TENM2: variants seen among roughly 807,000 people sequenced by gnomAD.
TENM2 encodes teneurin-2.
A neutral mutation model predicts 245.2 loss-of-function variants in TENM2; 52 were observed. That is an observed-to-expected ratio of 0.21 (90% CI 0.17 to 0.27). TENM2 has a LOEUF of 0.27. Among genes scored for constraint, TENM2 ranks in the 10% least tolerant of loss-of-function variants. TENM2 has a pLI of 1.00. For missense variants in TENM2, 3,046 were observed against 3,666.8 expected (o/e 0.83, Z 4.37); for synonymous variants, 1,363 against 1,438.9 (o/e 0.95, Z 1.19).
chr5:166,987,737 T>C, the TENM2 span, among the ~76,000 whole-genome samples: 1 of 152,098 alleles, frequency 6.6e-6, no homozygotes, highest in African/African-American at 2.4e-5. Flanking sequence ...AATAGATAAA[T>C]GACTCCATGC....
intron 2 of TENM2, among the ~76,000 whole-genome samples, chr5:167,817,613 C>A (rs985575151): frequency 6.6e-6 from 1 of 151,930 alleles, no homozygotes; most frequent in African/African-American, 2.4e-5. Flanking sequence ...AAAGTAGGAC[C>A]TTAAAATCAA....
chr5:167,196,195 G>A, the TENM2 span, among the ~76,000 whole-genome samples: 2 of 151,958 alleles, frequency 1.3e-5, no homozygotes, highest in African/African-American at 4.8e-5. Flanking sequence ...ACAATGACAA[G>A]TATTTGTGTT....
At chr5:167,475,037 A>C (rs1221531603) in intron 2 of TENM2, among the ~76,000 whole-genome samples, 1 of 152,220 alleles carries the variant, frequency 6.6e-6, no homozygotes, top group African/African-American at 2.4e-5. Flanking sequence ...TGTGAAAAAT[A>C]ATAAAAATTG....
At chr5:167,811,980 G>A (rs922400733) in intron 2 of TENM2, among the ~76,000 whole-genome samples, 3 of 152,146 alleles carry the variant, frequency 2.0e-5, no homozygotes, top group South Asian at 2.1e-4. Context: ...ACACAAGGAC[G>A]TCATTTCAGC....
chr5:167,662,124 A>G (rs1220530495), intron 2 of TENM2, among the ~76,000 whole-genome samples: 1 of 152,212 alleles, frequency 6.6e-6, no homozygotes, highest in Middle Eastern at 3.2e-3. Context: ...CCACCAAAAG[A>G]AGCTGATGCT....
intron 1 of TENM2, among the ~76,000 whole-genome samples, chr5:167,315,137 A>G (rs1756282342): frequency 6.6e-6 from 1 of 152,140 alleles, no homozygotes; most frequent in East Asian, 1.9e-4. Flanking sequence ...TGAGATTACT[A>G]GATCAAAAAG....
intron 2 of TENM2, among the ~76,000 whole-genome samples, chr5:167,471,197 T>C (rs1372089013): frequency 6.6e-6 from 1 of 152,180 alleles, no homozygotes; most frequent in South Asian, 2.1e-4. Flanking sequence ...TCTCTACATA[T>C]TCATGAGAAT....
chr5:167,674,607 AAGTT>A (rs1253689960), intron 2 of TENM2, among the ~76,000 whole-genome samples: 1 of 152,108 alleles, frequency 6.6e-6, no homozygotes, highest in Non-Finnish European at 1.5e-5. Context: ...TGCCTTGGAC[AAGTT>A]ATATCATCTC....
intron 2 of TENM2, among the ~76,000 whole-genome samples, chr5:167,844,954 C>G (rs1364823131): frequency 1.3e-5 from 2 of 151,954 alleles, no homozygotes; most frequent in Non-Finnish European, 2.9e-5. Flanking sequence ...CCTCCTCCCT[C>G]TCTCCCTCTA....
chr5:167,627,553 A>G (rs931644210), intron 2 of TENM2, among the ~76,000 whole-genome samples: 3 of 138,572 alleles, frequency 2.2e-5, no homozygotes, highest in African/African-American at 8.0e-5. Flanking sequence ...TTTTGTTTTG[A>G]CTCTACTTCT....
intron 19 of TENM2, among the ~76,000 whole-genome samples, chr5:168,207,173 T>C (rs1762413538): frequency 1.3e-5 from 2 of 152,322 alleles, no homozygotes; most frequent in East Asian, 1.9e-4. Context: ...GGCCTAAGCA[T>C]GTGAACTTCT....
intron 2 of TENM2, among the ~76,000 whole-genome samples, chr5:167,814,882 A>G (rs1206735853): frequency 6.6e-6 from 1 of 152,182 alleles, no homozygotes; most frequent in Non-Finnish European, 1.5e-5. Flanking sequence ...AGGGTTGGCT[A>G]GAACAAATAC....
At chr5:167,050,310 C>T in the TENM2 span, among the ~76,000 whole-genome samples, 1 of 152,092 alleles carries the variant, frequency 6.6e-6, no homozygotes, top group Admixed American at 6.5e-5. Context: ...TGTGAACTGG[C>T]ATGTGAGGGA....
chr5:167,034,943 T>TA, the TENM2 span, among the ~76,000 whole-genome samples: 1 of 152,162 alleles, frequency 6.6e-6, no homozygotes, highest in Non-Finnish European at 1.5e-5. Flanking sequence ...AAGCTGTATT[T>TA]CCTTATGAGT....
At chr5:167,395,184 A>G (rs1761983039) in intron 2 of TENM2, among the ~76,000 whole-genome samples, 1 of 152,208 alleles carries the variant, frequency 6.6e-6, no homozygotes, top group South Asian at 2.1e-4. Flanking sequence ...AAAGTTTTAT[A>G]GTTTTCACTG....
At chr5:167,214,812 T>C in the TENM2 span, among the ~76,000 whole-genome samples, 2 of 152,208 alleles carry the variant, frequency 1.3e-5, no homozygotes, top group Non-Finnish European at 2.9e-5. Context: ...CAGATTTGCC[T>C]TATTGTACAG....
At chr5:167,631,097 A>G (rs1438450416) in intron 2 of TENM2, among the ~76,000 whole-genome samples, 2 of 152,190 alleles carry the variant, frequency 1.3e-5, no homozygotes, top group African/African-American at 2.4e-5. Flanking sequence ...TGAATCTGGA[A>G]TCGAACTCGT....
At chr5:167,028,420 T>G in the TENM2 span, among the ~76,000 whole-genome samples, 1 of 152,140 alleles carries the variant, frequency 6.6e-6, no homozygotes, top group African/African-American at 2.4e-5. Flanking sequence ...TTTACAGAGA[T>G]AGTAATTTAA....
At chr5:167,840,242 G>A (rs1385498074) in intron 2 of TENM2, among the ~76,000 whole-genome samples, 2 of 152,164 alleles carry the variant, frequency 1.3e-5, no homozygotes, top group African/African-American at 4.8e-5. Context: ...TTTTAACTTT[G>A]ACAGAGACTT....
Sources: allele counts gnomAD v4.1 joint callset (sites outside exome capture counted in the v4.1 genomes callset), GRCh38; gene constraint gnomAD v4.1.1; transcripts MANE v1.5; gene names NCBI Gene and HGNC (gene_info 2026-07-23, HGNC 2026-07-21).